DSCAML1: variants seen among roughly 807,000 people sequenced by gnomAD.
DSCAML1 encodes DS cell adhesion molecule like 1, also known as cell adhesion molecule DSCAML1.
Under a neutral mutation model 200.5 loss-of-function variants are expected in DSCAML1, and 38 were observed. The ratio of observed to expected loss-of-function variants is 0.19; its 90% CI spans 0.15 to 0.25. The LOEUF (loss-of-function observed/expected upper bound fraction) is 0.25. DSCAML1 is among the 10% of genes least tolerant of loss of function. The pLI is 1.00. For missense variants in DSCAML1, 2,223 were observed against 2,858.8 expected, an observed-to-expected ratio of 0.78 and a Z score of 5.07; for synonymous variants, 1,215 against 1,165.0, an observed-to-expected ratio of 1.04 and a Z score of -0.87.
intron 3 of DSCAML1, among the ~76,000 whole-genome samples, chr11:117,620,748 A>G (rs566750794): frequency 9.2e-5 from 14 of 152,342 alleles, no homozygotes; most frequent in African/African-American, 2.4e-4. Context: ...AAATACTAGA[A>G]AGAGTGGACT....
intron 3 of DSCAML1, among the ~76,000 whole-genome samples, chr11:117,749,708 G>C (rs974726662): frequency 5.9e-5 from 9 of 152,248 alleles, no homozygotes; most frequent in Admixed American, 2.0e-4. Flanking sequence ...TAATGGGTCA[G>C]AACCAGCACG....
rs1279545927 is a variant in DSCAML1, at chr11:117,469,906, T to G, written c.3024+4A>C. ...TCCAGGGGAGATGCCTTAGACACAC[T>G]TACCTTCCAGGTCACCTGGATGCTC... is the stretch of plus-strand genomic sequence containing the variant. On this transcript the variant is annotated splice_donor_region_variant and intron_variant, in intron 16 of 32. Transcript: ENST00000651296. This position sits in a 1 kb window ranked among gnomAD's most constrained non-coding sequence, Gnocchi z 4.1. The G allele has an allele frequency of 6.2e-7, 1 of 1,603,838 alleles. No homozygotes were observed. The highest frequency in any genetic ancestry group is 8.5e-7 in the Non-Finnish European group (1 of 1,173,550).
chr11:117,629,934 C>T (rs1477866602), intron 3 of DSCAML1, among the ~76,000 whole-genome samples: 1 of 152,126 alleles, frequency 6.6e-6, no homozygotes, highest in Non-Finnish European at 1.5e-5. Context: ...CTGCTTGAGC[C>T]CTGGAGTTCA....
At chr11:117,472,489 G>C (rs922256882) in intron 14 of DSCAML1, among the ~76,000 whole-genome samples, 1 of 152,154 alleles carries the variant, frequency 6.6e-6, no homozygotes, top group Non-Finnish European at 1.5e-5. Flanking sequence ...CCTTTTGTGT[G>C]TGCTTCTGTC....
chr11:117,582,483 A>G (rs1433520574), intron 3 of DSCAML1, among the ~76,000 whole-genome samples: 1 of 152,212 alleles, frequency 6.6e-6, no homozygotes, highest in East Asian at 1.9e-4. Context: ...AATTGTCAAG[A>G]TGTGCATAAA....
intron 1 of DSCAML1, among the ~76,000 whole-genome samples, chr11:117,782,865 A>T (rs974999425): frequency 1.4e-4 from 21 of 152,154 alleles, no homozygotes; most frequent in African/African-American, 5.1e-4. Context: ...TGTACAGATG[A>T]GGATACTAAG....
chr11:117,574,776 G>A (rs1042051753), intron 3 of DSCAML1, among the ~76,000 whole-genome samples: 1 of 152,198 alleles, frequency 6.6e-6, no homozygotes, highest in Non-Finnish European at 1.5e-5. Flanking sequence ...GCACCAGCCA[G>A]ACTACAGAAA....
chr11:117,693,511 C>T (rs886885749), intron 3 of DSCAML1, among the ~76,000 whole-genome samples: 1 of 152,232 alleles, frequency 6.6e-6, no homozygotes, highest in Non-Finnish European at 1.5e-5. Context: ...CATTTGACAT[C>T]TCCCTCCAGG....
chr11:117,653,832 G>A (rs1051138334), intron 3 of DSCAML1, among the ~76,000 whole-genome samples: 1 of 152,232 alleles, frequency 6.6e-6, no homozygotes, highest in African/African-American at 2.4e-5. Context: ...TGAATGTGGT[G>A]CAGCTGGAAT....
chr11:117,517,949 G>A (rs190517621), intron 7 of DSCAML1, among the ~76,000 whole-genome samples: 6 of 152,336 alleles, frequency 3.9e-5, no homozygotes, highest in African/African-American at 1.4e-4. Flanking sequence ...TGCGGGAGAA[G>A]ATGGTGCCCT....
chr11:117,691,641 G>A (rs2053495895), intron 3 of DSCAML1, among the ~76,000 whole-genome samples: 1 of 152,140 alleles, frequency 6.6e-6, no homozygotes, highest in Admixed American at 6.5e-5. Flanking sequence ...TTCGTTCCCT[G>A]CTCGGCGTTT....
rs190845199 is a variant in DSCAML1 at position 117,622,997 on chromosome 11, G to T, written c.512-90475C>A. 1.5e-3 allele frequency among the ~76,000 whole-genome samples: 235 copies of T among 152,146 alleles called. 1 individual carries two copies. The highest frequency in any genetic ancestry group is 5.4e-3 in the African/African-American group (225 of 41,494). ...ATTATGAGTGCTGACCTTACACTAG[G>T]CAGGTCTCAGCCCAAATCCTGCTTC... On this transcript the variant is annotated intron_variant, in intron 3 of 32. Transcript: ENST00000651296.
chr11:117,799,150 C>T (rs907694337), upstream of DSCAML1, among the ~76,000 whole-genome samples: 1 of 152,176 alleles, frequency 6.6e-6, no homozygotes, highest in African/African-American at 2.4e-5. Flanking sequence ...CATCTCTCAC[C>T]GCCCTCAGCC....
intron 3 of DSCAML1, among the ~76,000 whole-genome samples, chr11:117,544,122 T>C (rs1036057425): frequency 1.3e-5 from 2 of 152,148 alleles, no homozygotes; most frequent in Non-Finnish European, 2.9e-5. Flanking sequence ...GTTGTCTCTC[T>C]TGGAAGAGAA....
intron 3 of DSCAML1, among the ~76,000 whole-genome samples, chr11:117,658,676 A>C (rs1303279035): frequency 1.3e-5 from 2 of 152,228 alleles, no homozygotes; most frequent in African/African-American, 4.8e-5. Context: ...AGAAGAGTGT[A>C]ATATAAGCAT....
chr11:117,561,681 T>A (rs544958259), intron 3 of DSCAML1, among the ~76,000 whole-genome samples: 1 of 152,372 alleles, frequency 6.6e-6, no homozygotes, highest in East Asian at 1.9e-4. Context: ...TAACAACTTA[T>A]CTTCACGTTC....
At chr11:117,605,890 C>A (rs2051557389) in intron 3 of DSCAML1, among the ~76,000 whole-genome samples, 1 of 152,118 alleles carries the variant, frequency 6.6e-6, no homozygotes, top group Non-Finnish European at 1.5e-5. Flanking sequence ...ATTTCCTTAT[C>A]TGTCAACGGA....
At chr11:117,467,198 C>CCT (rs1170124231) in intron 16 of DSCAML1, among the ~76,000 whole-genome samples, 11 of 132,570 alleles carry the variant, frequency 8.3e-5, no homozygotes, top group African/African-American at 3.4e-4. Context: ...CACACACCTC[C>CCT]CCCCTCCCCC....
chr11:117,524,179 C>T (rs1490995201), intron 5 of DSCAML1, among the ~76,000 whole-genome samples: 3 of 152,156 alleles, frequency 2.0e-5, no homozygotes, highest in Non-Finnish European at 4.4e-5. Flanking sequence ...AGGCCACCTG[C>T]TCTCCACACC....
Sources: allele counts gnomAD v4.1 joint callset (sites outside exome capture counted in the v4.1 genomes callset), GRCh38; gene constraint gnomAD v4.1.1; non-coding constraint Gnocchi (gnomAD v3.1); transcripts MANE v1.5; gene names NCBI Gene and HGNC (gene_info 2026-07-23, HGNC 2026-07-21).